Variants in ARHGEF7 observed in about 807,000 individuals in gnomAD.
ARHGEF7 encodes the protein Rho guanine nucleotide exchange factor 7, also known as PAK-interacting exchange factor beta.
ARHGEF7 carries 33 observed loss-of-function variants against 109.8 expected under a neutral mutation model. The observed-to-expected ratio is 0.30, with a 90% CI of 0.23 to 0.40. The LOEUF is 0.40. Ranked by LOEUF, ARHGEF7 falls within the 10% of genes least tolerant of loss-of-function variation. The probability of loss-of-function intolerance (pLI) is 1.00; values close to 1 mark genes in which losing one functional copy is unlikely to be tolerated. For missense variants in ARHGEF7, 938 were observed against 1,098.5 expected (o/e 0.85, Z 2.07); for synonymous variants, 458 against 424.6 (o/e 1.08, Z -0.97).
chr13:111,175,797 G>A (rs974946518), intron 2 of ARHGEF7, among the ~76,000 whole-genome samples: 1 of 152,178 alleles, frequency 6.6e-6, no homozygotes, highest in African/African-American at 2.4e-5. Context: ...TCTGAGACTG[G>A]GTAATTTATA....
chr13:111,293,036 C>T (rs1342595485), intron 19 of ARHGEF7: 34 of 985,318 alleles, frequency 3.5e-5, no homozygotes, highest in Non-Finnish European at 3.9e-5. Flanking sequence ...CTCAGATGTT[C>T]ACTCGCATCT....
At position 111,303,211 on chromosome 13, in the gene ARHGEF7, T is replaced by A; in HGVS notation, c.*98T>A. On this transcript the variant is annotated 3_prime_UTR_variant, in exon 22 of 22. Transcript: ENST00000646102. ...TGCACTCAGGACCACAGGGCAGGGC[T>A]GGGTGGGGCGCCACCTTGCTCTCTG... is the stretch of plus-strand genomic sequence containing the variant. 2.0e-5 allele frequency: 9 copies of A among 444,832 alleles called. No individual in the cohort carries two copies. Among genetic ancestry groups the A allele is most frequent in the Non-Finnish European group, 3.7e-5 (9 of 241,700 alleles). 27.6% of individuals were successfully genotyped at this position (444,832 alleles called of 1,614,324 possible). A position where few individuals can be genotyped will look rare whatever the true frequency, so the allele number is the denominator to read the frequency against.
chr13:111,154,598 C>T (rs1351855745), intron 2 of ARHGEF7, among the ~76,000 whole-genome samples: 1 of 152,190 alleles, frequency 6.6e-6, no homozygotes, highest in Non-Finnish European at 1.5e-5. Context: ...ATAAAACATG[C>T]TGTCGGGGAA....
At chr13:111,193,462 A>C (rs1170483122) in intron 2 of ARHGEF7, among the ~76,000 whole-genome samples, 2 of 152,240 alleles carry the variant, frequency 1.3e-5, no homozygotes, top group Non-Finnish European at 2.9e-5. Flanking sequence ...GGGTTTTTGC[A>C]CTGCGTGCAA....
chr13:111,225,966 GGT>G (rs1394375169), intron 5 of ARHGEF7, among the ~76,000 whole-genome samples: 2 of 152,226 alleles, frequency 1.3e-5, no homozygotes, highest in African/African-American at 4.8e-5. Flanking sequence ...CATGTAGAAA[GGT>G]GAGACAGGCT....
At position 111,297,824 on chromosome 13, in the gene ARHGEF7, T is replaced by C. The variant is rs570782942; in HGVS notation, c.2312-2924T>C. Among the ~76,000 whole-genome samples, 6 of 152,370 alleles carry C rather than the reference T, an allele frequency of 3.9e-5. No individual in the cohort carries two copies. The East Asian group carries it at 1.2e-3, about 29-fold the overall frequency. ...CCTATTTTATGTCATTCGAAAATGT[T>C]AATGTTGGAAACAGATGATATAAAC... On this transcript the variant is annotated intron_variant, in intron 19 of 21. Transcript: ENST00000646102.
At chr13:111,148,588 G>T (rs780777880) in intron 1 of ARHGEF7, among the ~76,000 whole-genome samples, 41 of 152,302 alleles carry the variant, frequency 2.7e-4, no homozygotes, top group Non-Finnish European at 5.3e-4. Flanking sequence ...ACATGAAGCT[G>T]GTTGGGCCGT....
At chr13:111,204,093 G>C (rs1252867859) in intron 2 of ARHGEF7, among the ~76,000 whole-genome samples, 3 of 152,152 alleles carry the variant, frequency 2.0e-5, no homozygotes, top group Non-Finnish European at 2.9e-5. Flanking sequence ...GGTGTGGTGG[G>C]GGCAGCCAGG....
At chr13:111,148,421 C>T (rs1175248100) in intron 1 of ARHGEF7, among the ~76,000 whole-genome samples, 1 of 152,204 alleles carries the variant, frequency 6.6e-6, no homozygotes, top group Non-Finnish European at 1.5e-5. Context: ...TGTTCTTTGA[C>T]CTAGCTTGCT....
intron 3 of ARHGEF7, among the ~76,000 whole-genome samples, chr13:111,207,658 T>TG (rs911025554): frequency 2.6e-5 from 4 of 152,174 alleles, no homozygotes; most frequent in Non-Finnish European, 5.9e-5. Context: ...TTGCTGTAAG[T>TG]GGGGGTGCTA....
At chr13:111,140,645 G>A (rs1417804857) in intron 1 of ARHGEF7, among the ~76,000 whole-genome samples, 1 of 152,154 alleles carries the variant, frequency 6.6e-6, no homozygotes, top group Admixed American at 6.5e-5. Flanking sequence ...TACCTGCTTG[G>A]CCATTCGAAG....
chr13:111,126,209 G>A (rs1659753072), intron 1 of ARHGEF7, among the ~76,000 whole-genome samples: 1 of 152,212 alleles, frequency 6.6e-6, no homozygotes, highest in South Asian at 2.1e-4. Context: ...TAGGCTTTAA[G>A]GCTGGGCGCG....
In ARHGEF7 at chr13:111,241,343, G is replaced by GGCT. The variant is rs1245075368; in HGVS notation, c.760-2527_760-2526insTGC. On this transcript the variant is annotated intron_variant, in intron 6 of 21. Transcript: ENST00000646102. ...GAGGAGGGGAAGAAAGGTGGTAAGTGGCACCCCCGGCTGCGCCCCGAGGTC... is the reference window on the plus strand; with the variant it reads ...GAGGAGGGGAAGAAAGGTGGTAAGTGGCTGCACCCCCGGCTGCGCCCCGAGGTC... The GGCT allele has an allele frequency of 3.3e-6, 5 of 1,535,874 alleles. No individual in the cohort carries two copies. In the African/African-American group the frequency reaches 6.8e-5, roughly 21 times the overall value.
At chr13:111,253,972 G>A (rs114390893) in intron 8 of ARHGEF7, among the ~76,000 whole-genome samples, 43 of 152,300 alleles carry the variant, frequency 2.8e-4, no homozygotes, top group African/African-American at 1.0e-3. Context: ...TGGTTCTGCC[G>A]TGTTCTCTGG....
At position 111,212,195 on chromosome 13, in the gene ARHGEF7, G is replaced by C. The variant is rs150837820; in HGVS notation, c.468+2193G>C. 3.1e-3 allele frequency among the ~76,000 whole-genome samples: 468 copies of C among 152,290 alleles called. 1 individual carries two copies. The highest frequency in any genetic ancestry group is 0.011 in the South Asian group (54 of 4,822). ...GCAGGCTTGAACAGTTTGATGTTGC[G>C]TTTACTGCTTTGCACTGCAGTGGAG... On this transcript the variant is annotated intron_variant, in intron 4 of 21. Coordinates refer to ENST00000646102, the MANE Select transcript of ARHGEF7 (RefSeq NM_001354046.2).
At chr13:111,139,327 G>A (rs1446678257) in intron 1 of ARHGEF7, among the ~76,000 whole-genome samples, 2 of 152,128 alleles carry the variant, frequency 1.3e-5, no homozygotes, top group Non-Finnish European at 2.9e-5. Context: ...CCGGCTCCTT[G>A]TCTCTCCCTC....
rs906746648 is a variant in ARHGEF7 at position 111,159,203 on chromosome 13, A to G, written c.252+5212A>G. The G allele has an allele frequency of 4.7e-6, 3 of 640,514 alleles. No individual in the cohort carries two copies. In the African/African-American group the frequency reaches 5.5e-5, roughly 12 times the overall value. 39.7% of individuals were successfully genotyped at this position (640,514 alleles called of 1,614,324 possible). On this transcript the variant is annotated intron_variant, in intron 2 of 21. Coordinates refer to ENST00000646102, the MANE Select transcript of ARHGEF7 (RefSeq NM_001354046.2). Reference sequence around the variant, plus strand: ...TCCAGGTTCATTCATTGTTGTTGCAAATAACAGGATTTCCTTTTTTTAAAA... The same window carrying G: ...TCCAGGTTCATTCATTGTTGTTGCAGATAACAGGATTTCCTTTTTTTAAAA...
At chr13:111,196,730 A>G (rs915492050) in intron 2 of ARHGEF7, among the ~76,000 whole-genome samples, 2 of 150,910 alleles carry the variant, frequency 1.3e-5, no homozygotes, top group African/African-American at 4.9e-5. Flanking sequence ...TAGGGAGGCT[A>G]GGATATGGGG....
chr13:111,247,292 A>G (rs1168580640), intron 8 of ARHGEF7, among the ~76,000 whole-genome samples: 6 of 150,038 alleles, frequency 4.0e-5, no homozygotes, highest in African/African-American at 1.2e-4. Flanking sequence ...TTTTTGATAC[A>G]GAATCTTGCT....
Sources: allele counts gnomAD v4.1 joint callset (sites outside exome capture counted in the v4.1 genomes callset), GRCh38; gene constraint gnomAD v4.1.1; transcripts MANE v1.5; gene names NCBI Gene and HGNC (gene_info 2026-07-23, HGNC 2026-07-21).